Variants in HPGD observed in about 807,000 individuals in gnomAD.
HPGD encodes 15-hydroxyprostaglandin dehydrogenase.
Under a neutral mutation model 30.0 loss-of-function variants are expected in HPGD, and 29 were observed. The ratio of observed to expected loss-of-function variants is 0.97; its 90% confidence interval spans 0.72 to 1.32. HPGD has a LOEUF of 1.32. Among genes scored for constraint, HPGD ranks in the 40% most tolerant of loss-of-function variants. The probability of loss-of-function intolerance (pLI) is 0.00; values close to 1 mark genes in which losing one functional copy is unlikely to be tolerated. For synonymous variants in HPGD, 99 were observed against 112.4 expected, an observed-to-expected ratio of 0.88 and a Z score of 0.75; for missense variants, 340 against 322.1, an observed-to-expected ratio of 1.06 and a Z score of -0.43.
intron 3 of HPGD, among the ~76,000 whole-genome samples, chr4:174,511,434 A>G (rs964353160): frequency 9.2e-5 from 14 of 152,184 alleles, no homozygotes; most frequent in Admixed American, 7.2e-4. Flanking sequence ...GGAATTCAAC[A>G]TATATTAGTT....
chr4:174,522,117 A>T, intron 1 of HPGD, 50 bp from the exon 2 acceptor site: 6 of 1,613,336 alleles, frequency 3.7e-6, no homozygotes, highest in Non-Finnish European at 4.2e-6. Flanking sequence ...CACGAAATAG[A>T]CGGACAAACA....
At chr4:174,501,395 T>C (rs1416881367) in intron 4 of HPGD, among the ~76,000 whole-genome samples, 1 of 152,172 alleles carries the variant, frequency 6.6e-6, no homozygotes, top group Non-Finnish European at 1.5e-5. Flanking sequence ...TTTAAAGAAA[T>C]GGCATTTTGT....
At chr4:174,506,460 A>C (rs892115042) in intron 4 of HPGD, among the ~76,000 whole-genome samples, 1 of 152,236 alleles carries the variant, frequency 6.6e-6, no homozygotes, top group Non-Finnish European at 1.5e-5. Flanking sequence ...AGAGATAGAT[A>C]AATAATCTAG....
At position 174,493,050 on chromosome 4, in the gene HPGD, T is replaced by G. The variant is rs1295718138; in HGVS notation, c.662+101A>C. On this transcript the variant is annotated intron_variant, in intron 6 of 6. Transcript: ENST00000296522. The stretch of plus-strand genomic sequence containing the variant: ...CAAACCAAAAGTTTGAAGCTTGTGT[T>G]CATTTCTCAACTGTATAAGCTTATT... 3.6e-6 allele frequency: 4 copies of G among 1,113,712 alleles called. No individual in the cohort carries two copies. The African/African-American group carries it at 6.3e-5, about 18-fold the overall frequency. The allele number at this position is 1,113,712 out of a possible 1,614,324, so 69.0% of individuals were successfully genotyped here.
At chr4:174,495,394 AT>A in intron 5 of HPGD, 153 bp downstream of exon 5, 3 of 665,712 alleles carry the variant, frequency 4.5e-6, no homozygotes, top group Non-Finnish European at 8.2e-6. Flanking sequence ...TTGGTTCTTT[AT>A]GTGATCTGAT....
chr4:174,495,651 A>G (rs755551484), intron 4 of HPGD, 27 bp from the exon 5 acceptor site: 3 of 1,527,406 alleles, frequency 2.0e-6, no homozygotes, highest in Admixed American at 3.3e-5. Flanking sequence ...TAACATTTAA[A>G]TGCTTTGATG....
At chr4:174,511,702 A>G (rs1011350040) in intron 3 of HPGD, among the ~76,000 whole-genome samples, 2 of 152,104 alleles carry the variant, frequency 1.3e-5, no homozygotes, top group Non-Finnish European at 2.9e-5. Flanking sequence ...GCTGGAGTGC[A>G]GTGGCGCAAT....
At chr4:174,516,623 A>G (rs1340279792) in intron 3 of HPGD, among the ~76,000 whole-genome samples, 3 of 152,124 alleles carry the variant, frequency 2.0e-5, no homozygotes, top group Non-Finnish European at 4.4e-5. Flanking sequence ...GCACATGTAC[A>G]CCCTGAACCT....
chr4:174,491,801 T>C lies in HPGD; in HGVS notation c.*155A>G. ...AATAGTTCATAACTTTTTATCCATA[T>C]ACTTAACTAAAAATTTAGAAAACGT... On this transcript the variant is annotated 3_prime_UTR_variant, in exon 7 of 7. Coordinates refer to ENST00000296522, the MANE Select transcript of HPGD (RefSeq NM_000860.6). The C allele has an allele frequency of 3.0e-6, 2 of 676,026 alleles. No individual in the cohort carries two copies. Among genetic ancestry groups the C allele is most frequent in the Non-Finnish European group, 5.2e-6 (2 of 384,242 alleles). The allele number at this position is 676,026 out of a possible 1,614,324, so 41.9% of individuals were successfully genotyped here.
At chr4:174,516,292 T>C (rs1735767174) in intron 3 of HPGD, among the ~76,000 whole-genome samples, 1 of 136,234 alleles carries the variant, frequency 7.3e-6, no homozygotes, top group African/African-American at 2.8e-5. Context: ...GTATACAGCA[T>C]GAAACACCAC....
chr4:174,502,026 C>T (rs1292108962), intron 4 of HPGD, among the ~76,000 whole-genome samples: 2 of 152,102 alleles, frequency 1.3e-5, no homozygotes, highest in Non-Finnish European at 2.9e-5. Context: ...GAAAATTCAA[C>T]TTAGGGAAAT....
chr4:174,522,572 G>T, upstream of HPGD: 1 of 648,642 alleles, frequency 1.5e-6, no homozygotes, highest in Non-Finnish European at 2.4e-6. Flanking sequence ...GCCAGTGGGC[G>T]GGGAGGAAAC....
At chr4:174,499,626 T>A (rs972402838) in intron 4 of HPGD, among the ~76,000 whole-genome samples, 1 of 152,124 alleles carries the variant, frequency 6.6e-6, no homozygotes, top group Non-Finnish European at 1.5e-5. Context: ...GTCAAACAGA[T>A]CTTATGGAGG....
chr4:174,497,893 CTT>C (rs1444923287), intron 4 of HPGD, among the ~76,000 whole-genome samples: 2 of 145,692 alleles, frequency 1.4e-5, no homozygotes, highest in Non-Finnish European at 3.0e-5. Context: ...CTCTCTCTCT[CTT>C]TCTCTCTCTC....
At chr4:174,505,918 T>C (rs1454421005) in intron 4 of HPGD, among the ~76,000 whole-genome samples, 1 of 152,190 alleles carries the variant, frequency 6.6e-6, no homozygotes, top group Non-Finnish European at 1.5e-5. Flanking sequence ...AGAAGCAGTT[T>C]GTAATGCAAT....
At chr4:174,507,987 T>C in intron 4 of HPGD, 1 of 611,074 alleles carries the variant, frequency 1.6e-6, no homozygotes, top group African/African-American at 1.8e-5. Flanking sequence ...AGTTCTATAC[T>C]GAAATGTGAG....
chr4:174,522,502 G>A, upstream of HPGD: 1 of 1,439,474 alleles, frequency 6.9e-7, no homozygotes, highest in East Asian at 2.6e-5. Flanking sequence ...GTCTCCGCGC[G>A]GCCGCGGCTT....
intron 4 of HPGD, among the ~76,000 whole-genome samples, chr4:174,499,447 T>C (rs576993743): frequency 1.3e-5 from 2 of 152,198 alleles, no homozygotes; most frequent in African/African-American, 4.8e-5. Context: ...ATATCTCAGT[T>C]ATTACCCATC....
At chr4:174,506,193 T>G (rs1735181195) in intron 4 of HPGD, among the ~76,000 whole-genome samples, 1 of 152,224 alleles carries the variant, frequency 6.6e-6, no homozygotes, top group Non-Finnish European at 1.5e-5. Flanking sequence ...CTCTGCTCAA[T>G]GGCATGTTTT....
Sources: gnomAD v4.1 joint callset for allele counts (sites outside exome capture counted in the v4.1 genomes callset) on GRCh38, gnomAD v4.1.1 for gene constraint, MANE v1.5 for transcripts, NCBI Gene and HGNC (gene_info 2026-07-23, HGNC 2026-07-21) for gene names.